Variants in OGG1 observed in about 807,000 individuals in gnomAD.
OGG1 encodes the protein 8-oxoguanine DNA glycosylase.
In OGG1, 35 loss-of-function variants were observed where a neutral mutation model predicts 42.3. The ratio of observed to expected loss-of-function variants is 0.83; its 90% CI spans 0.63 to 1.10. The LOEUF (loss-of-function observed/expected upper bound fraction) is 1.10, where lower values mean the gene tolerates loss of function less well. Among genes scored for constraint, OGG1 ranks in the 50% least tolerant of loss-of-function variants. The pLI is 0.00. For synonymous variants in OGG1, 189 were observed against 179.0 expected (o/e 1.06, Z -0.44); for missense variants, 484 against 446.7 (o/e 1.08, Z -0.75).
At chr3:9,787,984 T>C (rs892928537) in exon 4 of OGG1, 8 of 325,790 alleles carry the variant, frequency 2.5e-5, no homozygotes, top group African/African-American at 1.5e-4. Flanking sequence ...TTGGTGGGAC[T>C]GGTCAACACG....
At position 9,780,231 on chromosome 3, in the gene OGG1, G is replaced by A. The variant is rs75010684; in HGVS notation, c.295-1282G>A. On this transcript the variant is annotated intron_variant, in intron 2 of 3. Transcript: ENST00000426518. ...CAAAAGACCTCAGGGGAAGGGCCAC[G>A]GCCCTCTAGAGACTGCCGCCATTTG... The A allele has an allele frequency of 4.7e-3, 4,779 of 1,016,768 alleles. 128 individuals carry two copies. In the African/African-American group the frequency reaches 0.067, roughly 14 times the overall value. 63.0% of individuals were successfully genotyped at this position (1,016,768 alleles called of 1,614,324 possible).
chr3:9,765,119 A>G (rs906265325), intron 7 of OGG1, among the ~76,000 whole-genome samples: 1 of 151,420 alleles, frequency 6.6e-6, no homozygotes, highest in African/African-American at 2.4e-5. Context: ...CCCAGCTACT[A>G]GGGAGGCTGA....
intron 3 of OGG1, chr3:9,781,655 T>A: frequency 2.3e-6 from 1 of 436,408 alleles, no homozygotes; most frequent in Non-Finnish European, 4.8e-6. Flanking sequence ...ATACATTTCA[T>A]CGATGGTGGA....
chr3:9,781,982 G>T (rs1299241261), intron 3 of OGG1, among the ~76,000 whole-genome samples: 1 of 151,882 alleles, frequency 6.6e-6, no homozygotes, highest in Non-Finnish European at 1.5e-5. Flanking sequence ...CTATAGGCAT[G>T]TGCCACCATG....
chr3:9,763,046 C>G, intron 7 of OGG1: 2 of 1,614,066 alleles, frequency 1.2e-6, no homozygotes, highest in Non-Finnish European at 1.7e-6. Flanking sequence ...GCTCCCCACC[C>G]GACACCCTGC....
downstream of OGG1, chr3:9,789,659 G>C: frequency 6.2e-7 from 1 of 1,610,800 alleles, no homozygotes; most frequent in Non-Finnish European, 8.5e-7. Context: ...TGCCCCACCA[G>C]TGCCTCCACC....
At chr3:9,787,187 T>C (rs952962350) in intron 3 of OGG1, 4 of 1,613,958 alleles carry the variant, frequency 2.5e-6, no homozygotes, top group Non-Finnish European at 3.4e-6. Context: ...GGCAGGGAGG[T>C]GAGAGGCCTA....
intron 3 of OGG1, among the ~76,000 whole-genome samples, chr3:9,786,619 C>T (rs1305244824): frequency 6.6e-6 from 1 of 152,166 alleles, no homozygotes. Flanking sequence ...TCCTGGCCTC[C>T]AGTGGGAGGA....
At position 9,750,415 on chromosome 3, in the gene OGG1, A is replaced by G. The variant is rs570334418; in HGVS notation, c.129A>G (p.Gln43=). 38 of 1,613,914 alleles carry G rather than the reference A, an allele frequency of 2.4e-5. 2 individuals are homozygous for G. The highest frequency in any genetic ancestry group is 1.8e-4 in the South Asian group (16 of 91,082). Reference sequence around the variant, plus strand: ...TGGACCTGGTTCTGCCTTCTGGACAATCTTTCCGGTGAGTGACTGAGCCTG... The same window carrying G: ...TGGACCTGGTTCTGCCTTCTGGACAGTCTTTCCGGTGAGTGACTGAGCCTG... ...LRLDLVLPSG[Q]SFRWREQSPA... Residue 43 remains glutamine, a synonymous_variant, in exon 1 of 7, where the codon CAA becomes CAG. Transcript: ENST00000344629.
chr3:9,761,977 G>A (rs1474105184), downstream of OGG1: 12 of 568,276 alleles, frequency 2.1e-5, no homozygotes, highest in Middle Eastern at 4.9e-4. Flanking sequence ...CTAAACCTCA[G>A]GTGTGCACTG....
intron 4 of OGG1, among the ~76,000 whole-genome samples, chr3:9,756,173 C>T (rs2077543474): frequency 6.6e-6 from 1 of 152,126 alleles, no homozygotes; most frequent in African/African-American, 2.4e-5. Flanking sequence ...AAAAATTAGC[C>T]ACACGTGGTG....
intron 2 of OGG1, among the ~76,000 whole-genome samples, chr3:9,772,832 G>A (rs1047615482): frequency 6.6e-6 from 1 of 152,128 alleles, no homozygotes; most frequent in African/African-American, 2.4e-5. Flanking sequence ...CTCTCAGCCG[G>A]GCCCCCACCA....
intron 3 of OGG1, chr3:9,783,210 G>T (rs915434457): frequency 6.6e-6 from 1 of 151,254 alleles, no homozygotes; most frequent in Non-Finnish European, 1.5e-5. Context: ...AAAACTTTGG[G>T]GATAAAAAGA....
downstream of OGG1, chr3:9,761,476 A>G: frequency 5.0e-6 from 8 of 1,612,322 alleles, no homozygotes; most frequent in Non-Finnish European, 6.8e-6. Context: ...GTAGGCGATG[A>G]CACCTATGGA....
intron 3 of OGG1, among the ~76,000 whole-genome samples, chr3:9,752,364 A>T (rs1212154419): frequency 6.6e-6 from 1 of 152,070 alleles, no homozygotes; most frequent in Non-Finnish European, 1.5e-5. Flanking sequence ...TGGAGTTGTC[A>T]TGAGGGTTGA....
intron 3 of OGG1, among the ~76,000 whole-genome samples, chr3:9,784,920 A>G (rs973609228): frequency 3.3e-5 from 5 of 152,178 alleles, no homozygotes; most frequent in Non-Finnish European, 5.9e-5. Context: ...AAATAGTATT[A>G]TACCATCCAT....
chr3:9,775,865 C>G (rs2125608232), intron 2 of OGG1, among the ~76,000 whole-genome samples: 1 of 152,248 alleles, frequency 6.6e-6, no homozygotes, highest in Non-Finnish European at 1.5e-5. Context: ...GTCTTGAACT[C>G]CTGACCTCAG....
At chr3:9,771,814 T>C (rs2078304524) in intron 2 of OGG1, among the ~76,000 whole-genome samples, 3 of 127,626 alleles carry the variant, frequency 2.4e-5, no homozygotes, top group Non-Finnish European at 5.1e-5. Flanking sequence ...CAACTTCTTT[T>C]TTTTTTTTTT....
intron 2 of OGG1, among the ~76,000 whole-genome samples, chr3:9,780,948 G>A (rs1335740619): frequency 6.6e-6 from 1 of 152,112 alleles, no homozygotes; most frequent in Non-Finnish European, 1.5e-5. Context: ...AGACCAGTCT[G>A]AGCAACATAG....
Sources: gnomAD v4.1 joint callset for allele counts (sites outside exome capture counted in the v4.1 genomes callset) on GRCh38, gnomAD v4.1.1 for gene constraint, MANE v1.5 for transcripts, NCBI Gene and HGNC (gene_info 2026-07-23, HGNC 2026-07-21) for gene names.